Variants in MAPK6 observed in about 807,000 individuals in gnomAD.
MAPK6 encodes the protein mitogen-activated protein kinase 6.
In MAPK6, 19 loss-of-function variants were observed where a neutral mutation model predicts 59.3. The observed-to-expected ratio is 0.32, with a 90% CI of 0.22 to 0.47. The LOEUF (loss-of-function observed/expected upper bound fraction) is 0.47, where lower values mean the gene tolerates loss of function less well. Ranked by LOEUF, MAPK6 falls within the 20% of genes least tolerant of loss-of-function variation. The pLI is 1.00. For synonymous variants in MAPK6, 316 were observed against 290.3 expected, an observed-to-expected ratio of 1.09 and a Z score of -0.90; for missense variants, 724 against 847.9, an observed-to-expected ratio of 0.85 and a Z score of 1.81.
upstream of MAPK6, chr15:52,018,897 T>G (rs1479482116): frequency 6.6e-6 from 1 of 152,466 alleles, no homozygotes; most frequent in Non-Finnish European, 1.5e-5. Flanking sequence ...CCTCTTCCTC[T>G]CGGATTGCCC....
intron 1 of MAPK6, among the ~76,000 whole-genome samples, chr15:52,025,827 A>G (rs1397015595): frequency 6.6e-6 from 1 of 152,208 alleles, no homozygotes; most frequent in East Asian, 1.9e-4. Context: ...TGGTGGTTAC[A>G]TGGACAGCAC....
At chr15:52,039,507 GTCTTTTT>G (rs2031347725) in intron 1 of MAPK6, among the ~76,000 whole-genome samples, 1 of 122,124 alleles carries the variant, frequency 8.2e-6, no homozygotes, top group African/African-American at 3.0e-5. Flanking sequence ...TGAGTGTTTT[GTCTTTTT>G]TTTTTTTTTT....
At chr15:52,022,393 T>C (rs2030569961) in intron 1 of MAPK6, among the ~76,000 whole-genome samples, 1 of 152,154 alleles carries the variant, frequency 6.6e-6, no homozygotes, top group Non-Finnish European at 1.5e-5. Flanking sequence ...CCGGAGGAGC[T>C]GGGACTACAG....
At chr15:52,036,359 C>T (rs1163422824) in intron 1 of MAPK6, among the ~76,000 whole-genome samples, 1 of 152,150 alleles carries the variant, frequency 6.6e-6, no homozygotes, top group East Asian at 1.9e-4. Context: ...TAAAACAACA[C>T]CTGAGACTGG....
At chr15:52,062,099 ACT>A (rs1489342068) in intron 5 of MAPK6, among the ~76,000 whole-genome samples, 1 of 143,580 alleles carries the variant, frequency 7.0e-6, no homozygotes, top group Non-Finnish European at 1.5e-5. Flanking sequence ...ATGGAATCTC[ACT>A]CTGTCACCCA....
chr15:52,020,262 A>G (rs2141845675), intron 1 of MAPK6, among the ~76,000 whole-genome samples: 1 of 152,340 alleles, frequency 6.6e-6, no homozygotes, highest in African/African-American at 2.4e-5. Context: ...TGGCGAGTGT[A>G]GGACCCAACC....
intron 1 of MAPK6, among the ~76,000 whole-genome samples, chr15:52,036,377 A>T (rs1432194601): frequency 6.6e-6 from 1 of 152,214 alleles, no homozygotes; most frequent in Non-Finnish European, 1.5e-5. Flanking sequence ...TGGGTAATTT[A>T]TAAAGAAGAG....
chr15:52,036,814 C>T (rs1455149069), intron 1 of MAPK6, among the ~76,000 whole-genome samples: 1 of 151,426 alleles, frequency 6.6e-6, no homozygotes. Context: ...CTTTCTTTCC[C>T]TCCCCTCCTC....
At chr15:52,043,112 A>T (rs1310683818) in intron 1 of MAPK6, among the ~76,000 whole-genome samples, 1 of 152,068 alleles carries the variant, frequency 6.6e-6, no homozygotes, top group East Asian at 1.9e-4. Flanking sequence ...GGCCTGGATG[A>T]CAGAGCAATA....
chr15:52,011,126 G>A (rs1238966812), intron 3 of MAPK6: 2 of 152,124 alleles, frequency 1.3e-5, no homozygotes, highest in Non-Finnish European at 1.5e-5. Context: ...GTCACCCTAC[G>A]GGAACGTTGC....
intron 1 of MAPK6, among the ~76,000 whole-genome samples, chr15:52,021,097 A>G (rs1865304237): frequency 6.6e-6 from 1 of 152,248 alleles, no homozygotes; most frequent in Admixed American, 6.5e-5. Context: ...TAAAAAATCC[A>G]GAGAAGAGTG....
intron 2 of MAPK6, among the ~76,000 whole-genome samples, chr15:51,984,871 G>C (rs150164878): frequency 6.6e-6 from 1 of 152,170 alleles, no homozygotes; most frequent in East Asian, 1.9e-4. Flanking sequence ...TGGGAAGTGA[G>C]ATTATGGGAA....
In MAPK6 at chr15:52,039,509, C is replaced by CTT. The variant is rs11341546; in HGVS notation, c.-631-6299_-631-6298dup. Among the ~76,000 whole-genome samples, 170 of 85,802 alleles carry CTT rather than the reference C, an allele frequency of 2.0e-3. 1 individual carries two copies. The highest frequency in any genetic ancestry group is 3.8e-3 in the African/African-American group (96 of 25,196). 56.3% of individuals were successfully genotyped at this position (85,802 alleles called of 152,430 possible). On this transcript the variant is annotated intron_variant, in intron 1 of 5. Transcript: ENST00000261845. ...TGGTAGTAGTAGGTGAGTGTTTTGT[C>CTT]TTTTTTTTTTTTTTTTTTTTTTTGA... is the stretch of plus-strand genomic sequence containing the variant.
At position 52,042,054 on chromosome 15, in the gene MAPK6, TG is replaced by T. The variant is rs200821226; in HGVS notation, c.-631-3774del. Among the ~76,000 whole-genome samples, 17 of 152,312 alleles carry T rather than the reference TG, an allele frequency of 1.1e-4. No individual in the cohort carries two copies. In the East Asian group the frequency reaches 2.9e-3, roughly 26 times the overall value. Reference sequence around the variant, plus strand: ...ACCAAATAATGGAACGTGACTGAATTGGAAACACTTATTGGATCCACTGTAT... The same window carrying T: ...ACCAAATAATGGAACGTGACTGAATTGAAACACTTATTGGATCCACTGTAT... On this transcript the variant is annotated intron_variant, in intron 1 of 5. Transcript: ENST00000261845.
chr15:52,012,439 T>C (rs2030081402), intron 3 of MAPK6, among the ~76,000 whole-genome samples: 1 of 152,196 alleles, frequency 6.6e-6, no homozygotes. Flanking sequence ...GTTACGTTTT[T>C]TTGGCATCTG....
chr15:52,028,809 G>A (rs1347279331), intron 1 of MAPK6, among the ~76,000 whole-genome samples: 1 of 152,110 alleles, frequency 6.6e-6, no homozygotes. Flanking sequence ...GTCTTTTTGT[G>A]CTCTCTCCAC....
intron 2 of MAPK6, among the ~76,000 whole-genome samples, chr15:51,997,409 GC>G (rs2057227816): frequency 7.6e-6 from 1 of 131,182 alleles, no homozygotes; most frequent in Non-Finnish European, 1.5e-5. Context: ...GTAGACATGT[GC>G]CACGACACCC....
intron 3 of MAPK6, among the ~76,000 whole-genome samples, chr15:52,013,629 A>G (rs1025064215): frequency 6.6e-6 from 1 of 152,322 alleles, no homozygotes; most frequent in African/African-American, 2.4e-5. Context: ...TAGTAAAGGT[A>G]CAATAACCAT....
chr15:52,031,028 A>G (rs1566904929), intron 1 of MAPK6, among the ~76,000 whole-genome samples: 1 of 152,032 alleles, frequency 6.6e-6, no homozygotes, highest in Admixed American at 6.6e-5. Flanking sequence ...TCTTGACCTC[A>G]AAGGATCCAC....
Sources: allele counts gnomAD v4.1 joint callset (sites outside exome capture counted in the v4.1 genomes callset), GRCh38; gene constraint gnomAD v4.1.1; transcripts MANE v1.5; gene names NCBI Gene and HGNC (gene_info 2026-07-23, HGNC 2026-07-21).